NEO1: variants seen among roughly 807,000 people sequenced by gnomAD.
NEO1 encodes the protein neogenin 1, also known as neogenin.
In NEO1, 63 loss-of-function variants were observed where a neutral mutation model predicts 159.7. The ratio of observed to expected loss-of-function variants is 0.39; its 90% CI spans 0.32 to 0.49. NEO1 has a LOEUF of 0.49. NEO1 is among the 20% of genes least tolerant of loss of function. The pLI, the probability that NEO1 is intolerant of heterozygous loss-of-function variation, is 0.85. For missense variants in NEO1, 1,615 were observed against 1,831.0 expected, an observed-to-expected ratio of 0.88 and a Z score of 2.15; for synonymous variants, 633 against 662.0, an observed-to-expected ratio of 0.96 and a Z score of 0.67.
At chr15:73,211,772 G>T (rs2037588423) in intron 7 of NEO1, among the ~76,000 whole-genome samples, 1 of 152,136 alleles carries the variant, frequency 6.6e-6, no homozygotes, top group African/African-American at 2.4e-5. Flanking sequence ...GGAGAGAAGA[G>T]AAATATGCAG....
At position 73,181,506 on chromosome 15, in the gene NEO1, G is replaced by C. The variant is rs1056106570; in HGVS notation, c.1291+3079G>C. Among the ~76,000 whole-genome samples the C allele has an allele frequency of 5.9e-5, 9 of 152,262 alleles. 1 individual carries two copies. In the South Asian group the frequency reaches 6.2e-4, roughly 11 times the overall value. ...GGCTCCCAGTTCCACAGGCTGTACA[G>C]GAAGCATGGTGCTGGCATCTGCTTG... On this transcript the variant is annotated intron_variant, in intron 7 of 28. Transcript: ENST00000261908.
intron 1 of NEO1, among the ~76,000 whole-genome samples, chr15:73,070,584 C>CCTTATCCA (rs2068482326): frequency 6.6e-6 from 1 of 152,124 alleles, no homozygotes; most frequent in African/African-American, 2.4e-5. Context: ...AGTAGTCCCC[C>CCTTATCCA]CTTATCCATG....
intron 19 of NEO1, 57 bp from the exon 20 acceptor site, chr15:73,273,754 G>A: frequency 7.3e-7 from 1 of 1,372,456 alleles, no homozygotes; most frequent in Non-Finnish European, 1.0e-6. Flanking sequence ...TTGATTTACT[G>A]AAGGCAAAAG....
intron 5 of NEO1, among the ~76,000 whole-genome samples, chr15:73,160,565 A>G (rs537640385): frequency 6.6e-5 from 10 of 152,264 alleles, no homozygotes; most frequent in Non-Finnish European, 1.5e-5. Context: ...CTGACTGACT[A>G]GCTACAGATT....
intron 5 of NEO1, among the ~76,000 whole-genome samples, chr15:73,168,639 G>T (rs1478800276): frequency 6.6e-6 from 1 of 152,140 alleles, no homozygotes; most frequent in East Asian, 1.9e-4. Flanking sequence ...TGGAAACATT[G>T]TTATAATATT....
chr15:73,159,555 T>C (rs1400000091), intron 5 of NEO1, among the ~76,000 whole-genome samples: 2 of 152,136 alleles, frequency 1.3e-5, no homozygotes, highest in African/African-American at 4.8e-5. Context: ...AACCCACTAA[T>C]GGTATATGTA....
chr15:73,070,446 C>G (rs530569291), intron 1 of NEO1, among the ~76,000 whole-genome samples: 44 of 152,008 alleles, frequency 2.9e-4, no homozygotes, highest in Admixed American at 1.3e-4. Context: ...TAACTCAACT[C>G]GGTAGAAATA....
intron 1 of NEO1, among the ~76,000 whole-genome samples, chr15:73,075,118 T>TG (rs2068707937): frequency 6.6e-6 from 1 of 152,238 alleles, no homozygotes. Flanking sequence ...TAAGTTCCTC[T>TG]GACATGACCA....
intron 7 of NEO1, among the ~76,000 whole-genome samples, chr15:73,229,704 G>A (rs1002288348): frequency 2.0e-5 from 3 of 152,078 alleles, no homozygotes; most frequent in African/African-American, 4.8e-5. Flanking sequence ...TTTTCAGGTT[G>A]AGGAATTTTA....
chr15:73,164,709 A>G (rs1176955177), intron 5 of NEO1, among the ~76,000 whole-genome samples: 1 of 152,236 alleles, frequency 6.6e-6, no homozygotes, highest in East Asian at 1.9e-4. Context: ...GCACATGCAT[A>G]CAAAGATATG....
At chr15:73,113,291 G>T (rs1241712448) in intron 1 of NEO1, among the ~76,000 whole-genome samples, 9 of 151,902 alleles carry the variant, frequency 5.9e-5, no homozygotes, top group Admixed American at 5.9e-4. Context: ...GCCATTATTA[G>T]AATGGAACCT....
chr15:73,111,551 G>A lies in NEO1; in HGVS notation c.131-4989G>A, dbSNP rs554812564. Among the ~76,000 whole-genome samples the A allele has an allele frequency of 1.2e-4, 18 of 152,032 alleles. No individual in the cohort carries two copies. The East Asian group carries it at 2.1e-3, about 18-fold the overall frequency. Reference sequence around the variant, plus strand: ...AATGTTTTTCTTTAGCTATTTACACGAGTGTGAACATACATCACACCTGCC... The same window carrying A: ...AATGTTTTTCTTTAGCTATTTACACAAGTGTGAACATACATCACACCTGCC... On this transcript the variant is annotated intron_variant, in intron 1 of 28. Coordinates refer to ENST00000261908, the MANE Select transcript of NEO1 (RefSeq NM_002499.4).
intron 5 of NEO1, among the ~76,000 whole-genome samples, chr15:73,174,239 G>C (rs1356704935): frequency 2.6e-5 from 4 of 152,184 alleles, no homozygotes; most frequent in African/African-American, 7.2e-5. Context: ...CAAAAATCAG[G>C]AAGACTGTTG....
chr15:73,151,542 G>A (rs2033370372), intron 5 of NEO1, among the ~76,000 whole-genome samples: 1 of 152,172 alleles, frequency 6.6e-6, no homozygotes, highest in African/African-American at 2.4e-5. Flanking sequence ...CAGTTCTGCA[G>A]GGCTAGGGAG....
At chr15:73,286,503 A>G (rs1236191352) in intron 23 of NEO1, among the ~76,000 whole-genome samples, 4 of 152,018 alleles carry the variant, frequency 2.6e-5, no homozygotes, top group Non-Finnish European at 5.9e-5. Context: ...GTTCTCCCCA[A>G]GTGATCTCAT....
intron 1 of NEO1, among the ~76,000 whole-genome samples, chr15:73,068,550 T>C (rs560983282): frequency 5.3e-5 from 8 of 152,276 alleles, no homozygotes; most frequent in African/African-American, 1.9e-4. Context: ...ACATGAGTGC[T>C]GAACCAGATG....
intron 7 of NEO1, among the ~76,000 whole-genome samples, chr15:73,225,832 A>T (rs982047880): frequency 6.6e-6 from 1 of 152,062 alleles, no homozygotes; most frequent in Admixed American, 6.5e-5. Flanking sequence ...TCAAATTGTT[A>T]CAAAGTTCAG....
At chr15:73,252,130 A>G (rs2040107350) in intron 11 of NEO1, among the ~76,000 whole-genome samples, 1 of 152,216 alleles carries the variant, frequency 6.6e-6, no homozygotes, top group Non-Finnish European at 1.5e-5. Context: ...GGCACAAGTT[A>G]CAGAAAGGAG....
chr15:73,241,289 C>A (rs1357773401), intron 8 of NEO1, among the ~76,000 whole-genome samples: 2 of 152,170 alleles, frequency 1.3e-5, no homozygotes, highest in African/African-American at 4.8e-5. Context: ...CCTTAGAGAT[C>A]TGTTAGTCTA....
Sources: allele counts gnomAD v4.1 joint callset (sites outside exome capture counted in the v4.1 genomes callset), GRCh38; gene constraint gnomAD v4.1.1; transcripts MANE v1.5; gene names NCBI Gene and HGNC (gene_info 2026-07-23, HGNC 2026-07-21).